Variants in LPIN1 observed in about 807,000 individuals in gnomAD.
LPIN1 encodes the protein lipin 1.
Under a neutral mutation model 107.5 loss-of-function variants are expected in LPIN1, and 71 were observed. The observed-to-expected ratio is 0.66, with a 90% CI of 0.55 to 0.80. LPIN1 has a LOEUF of 0.80. LPIN1 is among the 30% of genes least tolerant of loss of function. The pLI is 0.00. For synonymous variants in LPIN1, 445 were observed against 452.6 expected (o/e 0.98, Z 0.21); for missense variants, 1,043 against 1,160.6 (o/e 0.90, Z 1.47).
At chr2:11,753,084 C>T (rs1241417983) in intron 1 of LPIN1, among the ~76,000 whole-genome samples, 1 of 151,992 alleles carries the variant, frequency 6.6e-6, no homozygotes, top group African/African-American at 2.4e-5. Flanking sequence ...GCCCTCCTGT[C>T]CCTGGGCAAG....
chr2:11,772,226 C>G (rs977998505), intron 4 of LPIN1, among the ~76,000 whole-genome samples: 3 of 152,160 alleles, frequency 2.0e-5, no homozygotes, highest in African/African-American at 7.2e-5. Flanking sequence ...CCAGCTTGCC[C>G]GCCGCTCACC....
In LPIN1 at chr2:11,760,657, A is replaced by G. The variant is rs183367877; in HGVS notation, c.-9-4876A>G. Among the ~76,000 whole-genome samples the G allele has an allele frequency of 2.6e-3, 390 of 152,050 alleles. 1 individual carries two copies. Among genetic ancestry groups the G allele is most frequent in the African/African-American group, 8.4e-3 (349 of 41,492 alleles). The stretch of plus-strand genomic sequence containing the variant: ...TGCAGTCCAGCTTCGGCTCGGCATC[A>G]GAGGGAGACCGTGGAAAGAGGGACA... On this transcript the variant is annotated intron_variant, in intron 1 of 20. Coordinates refer to ENST00000674199, the MANE Select transcript of LPIN1 (RefSeq NM_001349206.2).
rs376310669 is a variant in LPIN1, at chr2:11,695,696, C to T, written c.81+17968C>T. ...TTTTTTTGTTTTATTTTTGTTTTTGCGGGTGGCCAGAGGGAAGCTGGCCTG... is the reference window on the plus strand; with the variant it reads ...TTTTTTTGTTTTATTTTTGTTTTTGTGGGTGGCCAGAGGGAAGCTGGCCTG... On this transcript the variant is annotated intron_variant, in intron 1 of 21. Coordinates refer to the LPIN1 transcript ENST00000449576. 1.7e-4 allele frequency among the ~76,000 whole-genome samples: 26 copies of T among 152,124 alleles called. No individual in the cohort carries two copies. In the South Asian group the frequency reaches 3.1e-3, roughly 18 times the overall value.
chr2:11,734,955 G>A (rs767024274), intron 1 of LPIN1, among the ~76,000 whole-genome samples: 2 of 152,124 alleles, frequency 1.3e-5, no homozygotes, highest in Non-Finnish European at 2.9e-5. Flanking sequence ...CTCCTTTGAC[G>A]AGACAGAAGG....
At chr2:11,735,305 A>AT (rs1396387092) in intron 1 of LPIN1, among the ~76,000 whole-genome samples, 1 of 151,776 alleles carries the variant, frequency 6.6e-6, no homozygotes, top group Non-Finnish European at 1.5e-5. Flanking sequence ...AAAAAAAAAA[A>AT]AGAAAGTGTT....
chr2:11,790,500 G>A (rs867739965), intron 12 of LPIN1, among the ~76,000 whole-genome samples: 7 of 152,204 alleles, frequency 4.6e-5, no homozygotes, highest in African/African-American at 1.4e-4. Context: ...GACTGTGAAC[G>A]GCTTCGACCA....
Position 11,788,293 on chromosome 2 carries a change from G to A in LPIN1, c.1644-94G>A. 4.3e-6 allele frequency: 4 copies of A among 925,084 alleles called. No individual in the cohort carries two copies. In the South Asian group the frequency reaches 5.3e-5, roughly 12 times the overall value. The allele number at this position is 925,084 out of a possible 1,614,324, so 57.3% of individuals were successfully genotyped here. A position where few individuals can be genotyped will look rare whatever the true frequency, so the allele number is the denominator to read the frequency against. On this transcript the variant is annotated intron_variant, in intron 11 of 20. Coordinates refer to ENST00000674199, the MANE Select transcript of LPIN1 (RefSeq NM_001349206.2). Reference sequence around the variant, plus strand: ...TGAGCTCTTTAAGGGCCTCGCTGGAGTCCCGAGCTTTCCTTGACTACTTTA... The same window carrying A: ...TGAGCTCTTTAAGGGCCTCGCTGGAATCCCGAGCTTTCCTTGACTACTTTA...
At chr2:11,733,137 T>A (rs906999886) in intron 1 of LPIN1, among the ~76,000 whole-genome samples, 1 of 152,132 alleles carries the variant, frequency 6.6e-6, no homozygotes, top group African/African-American at 2.4e-5. Flanking sequence ...GACCTGTCGG[T>A]TTAGCAACCA....
chr2:11,819,362 C>T (rs1357912078), intron 18 of LPIN1, 122 bp from the exon 19 acceptor site: 3 of 727,992 alleles, frequency 4.1e-6, no homozygotes, highest in African/African-American at 1.8e-5. Context: ...CTGCCTGACA[C>T]ACACTAAACT....
At chr2:11,716,288 C>T (rs1316057377) in intron 2 of LPIN1, among the ~76,000 whole-genome samples, 1 of 152,080 alleles carries the variant, frequency 6.6e-6, no homozygotes, top group East Asian at 1.9e-4. Context: ...GTCCCGCTGT[C>T]CGCAGAAGGT....
At chr2:11,821,071 CT>C (rs2148734959) in intron 20 of LPIN1, among the ~76,000 whole-genome samples, 1 of 152,304 alleles carries the variant, frequency 6.6e-6, no homozygotes, top group African/African-American at 2.4e-5. Context: ...CCTCGGGTTC[CT>C]AACTTATTAG....
chr2:11,760,650 C>T lies in LPIN1; in HGVS notation c.-9-4883C>T, dbSNP rs571364303. ...GCGGCAGTGCAGTCCAGCTTCGGCT[C>T]GGCATCAGAGGGAGACCGTGGAAAG... On this transcript the variant is annotated intron_variant, in intron 1 of 20. Coordinates refer to ENST00000674199, the MANE Select transcript of LPIN1 (RefSeq NM_001349206.2). Among the ~76,000 whole-genome samples the T allele has an allele frequency of 4.0e-4, 61 of 151,146 alleles. 2 individuals carry two copies. The South Asian group carries it at 0.013, about 31-fold the overall frequency.
At chr2:11,791,798 T>C (rs898898420) in intron 12 of LPIN1, 116 bp from the exon 13 acceptor site, 1 of 1,514,568 alleles carries the variant, frequency 6.6e-7, no homozygotes, top group Non-Finnish European at 8.9e-7. Context: ...ATGTTGTGTT[T>C]TCTCTGATTT....
At chr2:11,678,753 A>C (rs768145079) in intron 1 of LPIN1, among the ~76,000 whole-genome samples, 1 of 152,164 alleles carries the variant, frequency 6.6e-6, no homozygotes, top group Admixed American at 6.5e-5. Context: ...GGAGGCGTGG[A>C]TCCTGCTCCC....
At chr2:11,716,003 C>T (rs982417086) in intron 2 of LPIN1, among the ~76,000 whole-genome samples, 1 of 152,090 alleles carries the variant, frequency 6.6e-6, no homozygotes, top group Non-Finnish European at 1.5e-5. Context: ...GGCAGGGGGG[C>T]AGCTTGGGGT....
intron 1 of LPIN1, among the ~76,000 whole-genome samples, chr2:11,747,369 G>A (rs1204280204): frequency 6.6e-6 from 1 of 152,248 alleles, no homozygotes; most frequent in Non-Finnish European, 1.5e-5. Flanking sequence ...AGGATGAGAA[G>A]TAACGTTTTG....
chr2:11,710,591 C>T (rs1326081003), intron 1 of LPIN1, among the ~76,000 whole-genome samples: 3 of 152,248 alleles, frequency 2.0e-5, no homozygotes, highest in African/African-American at 7.2e-5. Context: ...CCACTGACAT[C>T]TGTATGGTAC....
chr2:11,724,196 C>A, upstream of LPIN1: 2 of 283,244 alleles, frequency 7.1e-6, no homozygotes, highest in Non-Finnish European at 1.1e-5. Flanking sequence ...CTCCTGCGTG[C>A]CCCCTCCTGA....
chr2:11,790,765 G>A (rs909569772), intron 12 of LPIN1, among the ~76,000 whole-genome samples: 5 of 152,178 alleles, frequency 3.3e-5, no homozygotes, highest in African/African-American at 1.2e-4. Context: ...TTCTGTTCCT[G>A]TGATATGTGT....
Sources: allele counts gnomAD v4.1 joint callset (sites outside exome capture counted in the v4.1 genomes callset), GRCh38; gene constraint gnomAD v4.1.1; transcripts MANE v1.5; gene names NCBI Gene and HGNC (gene_info 2026-07-23, HGNC 2026-07-21).